The following ESR1 variants were observed in gnomAD, a reference collection of about 807,000 sequenced individuals.
The protein encoded by ESR1 is estrogen receptor.
A neutral mutation model predicts 52.7 loss-of-function variants in ESR1; 12 were observed. The observed-to-expected ratio is 0.23, with a 90% CI of 0.15 to 0.37. The LOEUF (loss-of-function observed/expected upper bound fraction) is 0.37. ESR1 is among the 10% of genes least tolerant of loss of function. ESR1 has a pLI of 1.00. For synonymous variants in ESR1, 305 were observed against 316.8 expected (o/e 0.96, Z 0.39); for missense variants, 584 against 779.7 (o/e 0.75, Z 2.99).
rs145836932 is a variant in ESR1 at position 151,661,850 on chromosome 6, C to A, written n.73+5087C>A. On this transcript the variant is annotated intron_variant and non_coding_transcript_variant, in intron 1 of 2. Transcript: ENST00000473497. Reference sequence around the variant, plus strand: ...CTCTCTCTCCTGCTGCTATGTAAGACGTGCCTTGTTTCCCCTTTGCCTTCC... The same window carrying A: ...CTCTCTCTCCTGCTGCTATGTAAGAAGTGCCTTGTTTCCCCTTTGCCTTCC... 3.1e-4 allele frequency among the ~76,000 whole-genome samples: 47 copies of A among 152,330 alleles called. 1 individual carries two copies. The highest frequency in any genetic ancestry group is 8.5e-4 in the Admixed American group (13 of 15,292).
At chr6:151,808,531 G>T (rs1355320937) in intron 1 of ESR1, among the ~76,000 whole-genome samples, 167 bp downstream of exon 1, 2 of 152,100 alleles carry the variant, frequency 1.3e-5, no homozygotes, top group African/African-American at 2.4e-5. Context: ...GGGGTTCTGC[G>T]TGCAGCCCGC....
chr6:151,948,376 T>C (rs2035949685), intron 4 of ESR1, among the ~76,000 whole-genome samples: 1 of 152,174 alleles, frequency 6.6e-6, no homozygotes, highest in South Asian at 2.1e-4. Context: ...TGGATAGATA[T>C]CTAGCCCTGA....
At chr6:151,823,653 G>A (rs1780974706) in intron 1 of ESR1, among the ~76,000 whole-genome samples, 1 of 151,298 alleles carries the variant, frequency 6.6e-6, no homozygotes, top group African/African-American at 2.4e-5. Flanking sequence ...CCCGGAGTGT[G>A]ATGTTCCCCA....
chr6:152,128,114 T>G (rs2054160756), exon 7 of ESR1: 1 of 152,208 alleles, frequency 6.6e-6, no homozygotes. Flanking sequence ...GCTGTCAATT[T>G]CAACTCAGTT....
chr6:151,928,501 G>C (rs902324917), intron 3 of ESR1, among the ~76,000 whole-genome samples: 1 of 151,986 alleles, frequency 6.6e-6, no homozygotes, highest in Non-Finnish European at 1.5e-5. Flanking sequence ...CTGAATGCAT[G>C]CATATTACTT....
chr6:152,000,552 G>A (rs534133254), intron 4 of ESR1, among the ~76,000 whole-genome samples: 6 of 152,016 alleles, frequency 3.9e-5, no homozygotes, highest in African/African-American at 1.4e-4. Flanking sequence ...GCAAATTAGA[G>A]CCCAGGTAAT....
chr6:151,978,095 C>G (rs1180327681), intron 4 of ESR1, among the ~76,000 whole-genome samples: 1 of 151,846 alleles, frequency 6.6e-6, no homozygotes, highest in African/African-American at 2.4e-5. Context: ...TACAAAAGTT[C>G]TGTGTGAAAT....
At chr6:151,791,439 C>T (rs1453685348) in intron 2 of ESR1, among the ~76,000 whole-genome samples, 3 of 152,170 alleles carry the variant, frequency 2.0e-5, no homozygotes, top group African/African-American at 4.8e-5. Context: ...GATTGTGAGG[C>T]CTTCCCAGCC....
At chr6:151,807,460 G>A (rs548281194), upstream of ESR1, 45 of 236,544 alleles carry the variant, frequency 1.9e-4, no homozygotes, top group Non-Finnish European at 5.1e-5. Context: ...GTGCGCCCCC[G>A]CCCCCTGGCC....
At chr6:152,043,704 C>G (rs1173227774) in intron 5 of ESR1, among the ~76,000 whole-genome samples, 1 of 152,132 alleles carries the variant, frequency 6.6e-6, no homozygotes, top group African/African-American at 2.4e-5. Context: ...GATGTTGCCT[C>G]CCCTCTGTTG....
At chr6:151,831,517 A>G (rs1443236334) in intron 1 of ESR1, among the ~76,000 whole-genome samples, 2 of 152,086 alleles carry the variant, frequency 1.3e-5, no homozygotes, top group Admixed American at 1.3e-4. Flanking sequence ...TTGTTTCCAG[A>G]TGTGAAATAA....
intron 1 of ESR1, among the ~76,000 whole-genome samples, chr6:151,822,863 A>C (rs1256330629): frequency 6.6e-6 from 1 of 152,202 alleles, no homozygotes; most frequent in Admixed American, 6.5e-5. Flanking sequence ...GTGCATCTTC[A>C]AAGTTGCTTA....
chr6:151,764,239 G>A (rs1441999123), intron 2 of ESR1, among the ~76,000 whole-genome samples: 1 of 152,168 alleles, frequency 6.6e-6, no homozygotes, highest in Non-Finnish European at 1.5e-5. Context: ...GTGGGCATCT[G>A]CTAACTGAGT....
chr6:151,889,919 T>C lies in ESR1; in HGVS notation c.760+9148T>C, dbSNP rs548187672. Reference sequence around the variant, plus strand: ...TCTTCTTTGACCCACTGGTTGGTTCTGAGTATGTTGTTTTATTTTCAAGTA... The same window carrying C: ...TCTTCTTTGACCCACTGGTTGGTTCCGAGTATGTTGTTTTATTTTCAAGTA... On this transcript the variant is annotated intron_variant, in intron 3 of 7. Coordinates refer to ENST00000206249, the MANE Select transcript of ESR1 (RefSeq NM_000125.4). 5.9e-5 allele frequency among the ~76,000 whole-genome samples: 9 copies of C among 152,304 alleles called. No individual in the cohort carries two copies. The East Asian group carries it at 1.7e-3, about 29-fold the overall frequency.
Position 152,111,789 on chromosome 6 carries a change from C to T in ESR1, c.851-13477C>T, listed in dbSNP as rs114156904. ...ACACGTGGTCTCAGTGCCTTGAGGACGCCAGGCGCAGACCAGTTTTGGGGC... is the reference window on the plus strand; with the variant it reads ...ACACGTGGTCTCAGTGCCTTGAGGATGCCAGGCGCAGACCAGTTTTGGGGC... On this transcript the variant is annotated intron_variant, in intron 6 of 6. Transcript: ENST00000427531. Among the ~76,000 whole-genome samples the T allele has an allele frequency of 9.0e-3, 1,365 of 152,144 alleles. 27 individuals carry two copies. The highest frequency in any genetic ancestry group is 0.031 in the African/African-American group (1,306 of 41,502).
chr6:152,114,988 A>G lies in ESR1; in HGVS notation c.851-10278A>G, dbSNP rs188002320. On this transcript the variant is annotated intron_variant, in intron 6 of 6. Coordinates refer to the ESR1 transcript ENST00000427531. Reference sequence around the variant, plus strand: ...GTCTTTTAAAATTATCATTATTCTTATAGCAACTTGGATCTAAAAAACAAG... The same window carrying G: ...GTCTTTTAAAATTATCATTATTCTTGTAGCAACTTGGATCTAAAAAACAAG... Among the ~76,000 whole-genome samples the G allele has an allele frequency of 4.3e-4, 65 of 150,270 alleles. No individual in the cohort carries two copies. In the Middle Eastern group the frequency reaches 0.01, roughly 24 times the overall value.
At chr6:151,981,620 T>G (rs1311346704) in intron 4 of ESR1, among the ~76,000 whole-genome samples, 1 of 152,210 alleles carries the variant, frequency 6.6e-6, no homozygotes, top group African/African-American at 2.4e-5. Context: ...TAGAATGGAT[T>G]TGAGAAATAC....
At chr6:151,978,188 A>T (rs1442260526) in intron 4 of ESR1, among the ~76,000 whole-genome samples, 1 of 152,150 alleles carries the variant, frequency 6.6e-6, no homozygotes, top group Non-Finnish European at 1.5e-5. Flanking sequence ...AATAAAATCC[A>T]ATAGAGGGCA....
intron 2 of ESR1, among the ~76,000 whole-genome samples, chr6:151,734,145 G>A (rs1002724690): frequency 2.0e-5 from 3 of 152,180 alleles, no homozygotes; most frequent in Non-Finnish European, 4.4e-5. Context: ...TTGGTGCATG[G>A]TGGTATTTTA....
Sources: gnomAD v4.1 joint callset for allele counts (sites outside exome capture counted in the v4.1 genomes callset) on GRCh38, gnomAD v4.1.1 for gene constraint, MANE v1.5 for transcripts, NCBI Gene and HGNC (gene_info 2026-07-23, HGNC 2026-07-21) for gene names.